Variants in CSMD3 observed in about 807,000 individuals in gnomAD.
CSMD3 encodes the protein CUB and Sushi multiple domains 3, also known as CUB and sushi domain-containing protein 3.
A neutral mutation model predicts 435.2 loss-of-function variants in CSMD3; 177 were observed. The ratio of observed to expected loss-of-function variants is 0.41; its 90% CI spans 0.36 to 0.46. CSMD3 has a LOEUF of 0.46. Ranked by LOEUF, CSMD3 falls within the 20% of genes least tolerant of loss-of-function variation. The probability of loss-of-function intolerance (pLI) is 0.34; values close to 1 mark genes in which losing one functional copy is unlikely to be tolerated. For synonymous variants in CSMD3, 1,656 were observed against 1,520.5 expected, an observed-to-expected ratio of 1.09 and a Z score of -2.07; for missense variants, 4,265 against 4,504.6, an observed-to-expected ratio of 0.95 and a Z score of 1.52.
intron 7 of CSMD3, among the ~76,000 whole-genome samples, chr8:112,967,501 T>C (rs1221246427): frequency 6.6e-6 from 1 of 151,854 alleles, no homozygotes; most frequent in Admixed American, 6.6e-5. Context: ...CTGTTTTTTT[T>C]CCTGGTGTGC....
chr8:112,984,591 A>T (rs2085179421), intron 6 of CSMD3, among the ~76,000 whole-genome samples: 1 of 152,084 alleles, frequency 6.6e-6, no homozygotes. Context: ...CTTCACTCAA[A>T]TCTTCCCTGG....
At chr8:113,049,784 T>A (rs1016512883) in intron 5 of CSMD3, among the ~76,000 whole-genome samples, 1 of 152,212 alleles carries the variant, frequency 6.6e-6, no homozygotes, top group Non-Finnish European at 1.5e-5. Flanking sequence ...TATTTTCTGT[T>A]TATAATTCAT....
chr8:113,019,159 G>A lies in CSMD3; in HGVS notation c.938C>T (p.Pro313Leu). The A allele has an allele frequency of 1.2e-6, 2 of 1,610,956 alleles. No homozygotes were observed. Among genetic ancestry groups the A allele is most frequent in the Non-Finnish European group, 1.7e-6 (2 of 1,177,492 alleles). Residue 313 changes from proline (P) to leucine (L), a missense_variant, in exon 6 of 71, where the codon CCA (proline) becomes CTA (leucine). Coordinates refer to ENST00000297405, the MANE Select transcript of CSMD3 (RefSeq NM_198123.2). ...GTTTTTGTTGCTGATAATTGGTGGT[G>A]GTATATTCATTCCAGATAACCTGAA... ...PTIWLSGMNI[P>L]PPIISNKNWL...
At chr8:113,009,227 A>G (rs563865668) in intron 6 of CSMD3, among the ~76,000 whole-genome samples, 20 of 151,864 alleles carry the variant, frequency 1.3e-4, no homozygotes, top group Admixed American at 7.9e-4. Flanking sequence ...GGGATACTTC[A>G]TATTACTGTG....
At chr8:112,413,373 C>T (rs1811560428) in intron 32 of CSMD3, among the ~76,000 whole-genome samples, 1 of 152,142 alleles carries the variant, frequency 6.6e-6, no homozygotes, top group Non-Finnish European at 1.5e-5. Flanking sequence ...TTAACTGTTT[C>T]AATAAGCATT....
intron 3 of CSMD3, among the ~76,000 whole-genome samples, chr8:113,243,825 T>C (rs751127262): frequency 1.3e-5 from 2 of 152,162 alleles, no homozygotes; most frequent in Non-Finnish European, 2.9e-5. Context: ...AGTAGTCTCA[T>C]TGTGGTTTTG....
At chr8:113,082,039 C>G (rs1015010326) in intron 5 of CSMD3, among the ~76,000 whole-genome samples, 18 of 152,146 alleles carry the variant, frequency 1.2e-4, no homozygotes, top group African/African-American at 4.3e-4. Flanking sequence ...CCACCCTGAC[C>G]ATCACTATGT....
intron 3 of CSMD3, among the ~76,000 whole-genome samples, chr8:113,252,992 C>G (rs148066459): frequency 1.4e-3 from 215 of 152,214 alleles, no homozygotes; most frequent in African/African-American, 4.9e-3. Context: ...AGGTACAGGA[C>G]AGAATTTCTC....
chr8:112,521,018 A>G (rs997909219), intron 27 of CSMD3, among the ~76,000 whole-genome samples: 2 of 151,948 alleles, frequency 1.3e-5, no homozygotes, highest in South Asian at 2.1e-4. Flanking sequence ...TTGTGTTGCT[A>G]GTATTAAACA....
intron 1 of CSMD3, among the ~76,000 whole-genome samples, chr8:113,319,183 T>C (rs2093931978): frequency 1.3e-5 from 2 of 152,076 alleles, no homozygotes; most frequent in Non-Finnish European, 1.5e-5. Context: ...GCCAATAGTG[T>C]ACTAGGGTTT....
At chr8:113,346,889 G>A (rs981913546) in intron 1 of CSMD3, among the ~76,000 whole-genome samples, 3 of 151,908 alleles carry the variant, frequency 2.0e-5, no homozygotes, top group Admixed American at 6.6e-5. Flanking sequence ...ATAAAATACT[G>A]AGATTTTGTG....
chr8:113,149,816 T>TGAGCTGAATCAAG, intron 4 of CSMD3, among the ~76,000 whole-genome samples: 1 of 151,930 alleles, frequency 6.6e-6, no homozygotes, highest in African/African-American at 2.4e-5. Flanking sequence ...AAGCCATCTG[T>TGAGCTGAATCAAG]GAGCTGAATC....
At chr8:112,940,269 A>C (rs1471903539) in intron 9 of CSMD3, among the ~76,000 whole-genome samples, 2 of 151,792 alleles carry the variant, frequency 1.3e-5, no homozygotes, top group Non-Finnish European at 3.0e-5. Context: ...TCCAGATACA[A>C]ATCCAAAATT....
At chr8:112,344,315 C>T (rs2131012499) in intron 41 of CSMD3, among the ~76,000 whole-genome samples, 1 of 152,262 alleles carries the variant, frequency 6.6e-6, no homozygotes, top group African/African-American at 2.4e-5. Context: ...CATAATAATA[C>T]ATTTTACTGT....
At chr8:112,829,643 G>C in intron 12 of CSMD3, 43 bp downstream of exon 12, 3 of 1,103,378 alleles carry the variant, frequency 2.7e-6, no homozygotes, top group Non-Finnish European at 4.2e-6. Context: ...AATTTTATTA[G>C]TACCCGATAG....
intron 28 of CSMD3, among the ~76,000 whole-genome samples, chr8:112,509,387 G>A (rs1258653572): frequency 2.0e-5 from 3 of 152,128 alleles, no homozygotes; most frequent in Admixed American, 2.0e-4. Context: ...ACCATGCTTG[G>A]CCTCTAGATG....
At chr8:112,356,975 G>A (rs1826681204) in intron 38 of CSMD3, among the ~76,000 whole-genome samples, 1 of 152,096 alleles carries the variant, frequency 6.6e-6, no homozygotes, top group Admixed American at 6.6e-5. Flanking sequence ...AGAGTGGGGT[G>A]TTACTGAAAA....
intron 1 of CSMD3, among the ~76,000 whole-genome samples, chr8:113,318,732 A>G (rs1392512129): frequency 6.6e-6 from 1 of 150,634 alleles, no homozygotes; most frequent in Non-Finnish European, 1.5e-5. Flanking sequence ...ATGTCCTCTA[A>G]GTCCATCCAG....
intron 1 of CSMD3, among the ~76,000 whole-genome samples, chr8:113,324,816 G>A (rs1410812225): frequency 1.3e-5 from 2 of 152,228 alleles, no homozygotes; most frequent in Admixed American, 1.3e-4. Context: ...AAAGCAGCCA[G>A]GAGGTAGGTT....
Sources: gnomAD v4.1 joint callset for allele counts (sites outside exome capture counted in the v4.1 genomes callset) on GRCh38, gnomAD v4.1.1 for gene constraint, MANE v1.5 for transcripts, NCBI Gene and HGNC (gene_info 2026-07-23, HGNC 2026-07-21) for gene names.